The following WWOX variants were observed in gnomAD, a reference collection of about 807,000 sequenced individuals.
WWOX encodes the protein WW domain-containing oxidoreductase.
A neutral mutation model predicts 46.2 loss-of-function variants in WWOX; 69 were observed. The ratio of observed to expected loss-of-function variants is 1.49; its 90% CI spans 1.23 to 1.82. The LOEUF is 1.82. WWOX is among the 40% of genes most tolerant of loss of function. WWOX has a pLI of 0.00. For missense variants in WWOX, 919 were observed against 542.6 expected (o/e 1.69, Z -6.89); for synonymous variants, 359 against 202.6 (o/e 1.77, Z -6.56).
At chr16:78,156,184 G>T (rs189190872) in intron 4 of WWOX, among the ~76,000 whole-genome samples, 2 of 152,308 alleles carry the variant, frequency 1.3e-5, no homozygotes, top group Non-Finnish European at 2.9e-5. Context: ...AAGGAGAGAG[G>T]GTGGAAGCTT....
intron 8 of WWOX, among the ~76,000 whole-genome samples, chr16:78,820,674 G>T (rs1597667902): frequency 6.6e-6 from 1 of 152,126 alleles, no homozygotes; most frequent in East Asian, 1.9e-4. Flanking sequence ...ACCATGCCAC[G>T]TGTATGTGTT....
At position 78,412,011 on chromosome 16, in the gene WWOX, GT is replaced by G. The variant is rs1447500928; in HGVS notation, c.606-12858del. 3.9e-5 allele frequency among the ~76,000 whole-genome samples: 6 copies of G among 152,362 alleles called. No individual in the cohort carries two copies. In the East Asian group the frequency reaches 1.2e-3, roughly 29 times the overall value. On this transcript the variant is annotated intron_variant, in intron 6 of 8. Coordinates refer to ENST00000566780, the MANE Select transcript of WWOX (RefSeq NM_016373.4). ...TCCTCCTTGTCAACAGAGCATGTGT[GT>G]GGGGGTGATGACTTCCCAGATGTGA...
intron 5 of WWOX, among the ~76,000 whole-genome samples, chr16:78,269,519 A>G (rs1018501271): frequency 1.3e-5 from 2 of 152,188 alleles, no homozygotes; most frequent in Non-Finnish European, 2.9e-5. Context: ...AGCGAAATCA[A>G]GACTTCAGCC....
At chr16:79,023,284 A>C (rs77377538) in intron 8 of WWOX, among the ~76,000 whole-genome samples, 1 of 152,222 alleles carries the variant, frequency 6.6e-6, no homozygotes, top group Non-Finnish European at 1.5e-5. Context: ...TATGCATTGC[A>C]TGTCTCTGTT....
rs11862717 is a variant in WWOX at position 78,262,613 on chromosome 16, C to G, written c.516+98324C>G. On this transcript the variant is annotated intron_variant, in intron 5 of 8. Coordinates refer to ENST00000566780, the MANE Select transcript of WWOX (RefSeq NM_016373.4). ...GCATATAAGGCATATATGCCCCTTT[C>G]CATGAAGTATAATCTAATGAGAACA... 5.5e-3 allele frequency among the ~76,000 whole-genome samples: 831 copies of G among 152,178 alleles called. 5 individuals carry two copies. Among genetic ancestry groups the G allele is most frequent in the African/African-American group, 0.019 (780 of 41,524 alleles).
intron 8 of WWOX, among the ~76,000 whole-genome samples, chr16:78,714,300 G>A (rs1046168891): frequency 6.6e-6 from 1 of 152,130 alleles, no homozygotes; most frequent in African/African-American, 2.4e-5. Flanking sequence ...GATCATGGCG[G>A]AAGGCAAAGG....
intron 8 of WWOX, among the ~76,000 whole-genome samples, chr16:79,133,086 G>A (rs921039136): frequency 1.4e-4 from 21 of 152,144 alleles, no homozygotes; most frequent in African/African-American, 5.1e-4. Flanking sequence ...ACCTTTCTAG[G>A]GTTGTTTCTA....
intron 8 of WWOX, among the ~76,000 whole-genome samples, chr16:78,644,524 C>G (rs1567459503): frequency 6.6e-6 from 1 of 151,812 alleles, no homozygotes; most frequent in African/African-American, 2.4e-5. Flanking sequence ...TACAGTGGGG[C>G]AAACTCAGCT....
intron 8 of WWOX, among the ~76,000 whole-genome samples, chr16:78,631,200 G>A (rs2046421007): frequency 6.6e-6 from 1 of 152,110 alleles, no homozygotes; most frequent in Admixed American, 6.5e-5. Context: ...TGGATACTGA[G>A]GGACAACTGT....
chr16:78,602,282 G>T (rs1443105944), intron 8 of WWOX, among the ~76,000 whole-genome samples: 1 of 152,136 alleles, frequency 6.6e-6, no homozygotes, highest in Non-Finnish European at 1.5e-5. Flanking sequence ...AGCCAGACTG[G>T]AGTGCAGTGG....
At chr16:78,203,708 G>A (rs147196706) in intron 5 of WWOX, among the ~76,000 whole-genome samples, 5 of 152,214 alleles carry the variant, frequency 3.3e-5, no homozygotes, top group South Asian at 2.1e-4. Context: ...AACTAGATGC[G>A]GAAGGGATGG....
intron 8 of WWOX, among the ~76,000 whole-genome samples, chr16:78,747,452 A>G (rs370373996): frequency 6.6e-6 from 1 of 152,104 alleles, no homozygotes; most frequent in African/African-American, 2.4e-5. Flanking sequence ...AAAAATACCC[A>G]TCATTTATGA....
intron 8 of WWOX, among the ~76,000 whole-genome samples, chr16:78,857,642 T>C (rs149182071): frequency 2.7e-4 from 41 of 152,358 alleles, no homozygotes; most frequent in African/African-American, 9.4e-4. Flanking sequence ...TATCTTGTCA[T>C]TTCATTTTCC....
At chr16:79,206,805 G>C (rs1305950998) in intron 8 of WWOX, 1 of 152,044 alleles carries the variant, frequency 6.6e-6, no homozygotes. Context: ...TGGTCACCTA[G>C]CCAGGGAGGC....
chr16:78,202,088 T>C (rs545228136), intron 5 of WWOX, among the ~76,000 whole-genome samples: 1 of 152,288 alleles, frequency 6.6e-6, no homozygotes, highest in Admixed American at 6.5e-5. Flanking sequence ...GCTTCTTCCA[T>C]CCTGGACTTG....
intron 8 of WWOX, among the ~76,000 whole-genome samples, chr16:78,611,565 C>G (rs755678690): frequency 3.3e-5 from 5 of 152,144 alleles, no homozygotes; most frequent in African/African-American, 9.7e-5. Context: ...CTGCCCTAAG[C>G]AAGACCAAGA....
In WWOX at chr16:78,528,944, TTTTC is replaced by T. The variant is rs759303394; in HGVS notation, c.1056+96208_1056+96211del. Among the ~76,000 whole-genome samples the T allele has an allele frequency of 9.2e-3, 1,271 of 137,686 alleles. 21 individuals are homozygous for T. The highest frequency in any genetic ancestry group is 0.037 in the African/African-American group (1,192 of 32,018). 90.3% of individuals were successfully genotyped at this position (137,686 alleles called of 152,430 possible). ...TTTTTTTTCTTTCCTTTTTCTTTTC[TTTTC>T]TTTCTTTCTTTCTTTTTTTTTTTTA... is the stretch of plus-strand genomic sequence containing the variant. On this transcript the variant is annotated intron_variant, in intron 8 of 8. Transcript: ENST00000566780.
At chr16:78,907,341 A>G (rs531062442) in intron 8 of WWOX, among the ~76,000 whole-genome samples, 2 of 152,172 alleles carry the variant, frequency 1.3e-5, no homozygotes, top group East Asian at 3.9e-4. Flanking sequence ...CTACAAAGTG[A>G]TGTTATCTGC....
chr16:78,646,653 C>G (rs1481063063), intron 8 of WWOX, among the ~76,000 whole-genome samples: 4 of 152,170 alleles, frequency 2.6e-5, no homozygotes, highest in Non-Finnish European at 5.9e-5. Context: ...ATCTCAAACT[C>G]CTGACCTCAG....
Sources: allele counts gnomAD v4.1 joint callset (sites outside exome capture counted in the v4.1 genomes callset), GRCh38; gene constraint gnomAD v4.1.1; transcripts MANE v1.5; gene names NCBI Gene and HGNC (gene_info 2026-07-23, HGNC 2026-07-21).